RIPK4: variants seen among roughly 807,000 people sequenced by gnomAD.
RIPK4 encodes the protein receptor-interacting serine/threonine-protein kinase 4.
A neutral mutation model predicts 42.9 loss-of-function variants in RIPK4; 17 were observed. The observed-to-expected ratio is 0.40, with a 90% confidence interval of 0.27 to 0.59. The LOEUF (loss-of-function observed/expected upper bound fraction) is 0.59. RIPK4 is among the 20% of genes least tolerant of loss of function. RIPK4 has a pLI of 0.47. For missense variants in RIPK4, 897 were observed against 1,104.4 expected (o/e 0.81, Z 2.66); for synonymous variants, 498 against 499.1 (o/e 1.00, Z 0.03).
intron 5 of RIPK4, chr21:41,746,294 G>C: frequency 1.7e-6 from 1 of 591,706 alleles, no homozygotes; most frequent in Non-Finnish European, 3.0e-6. Context: ...CCACCGGCCA[G>C]GTAAGTCCCC....
chr21:41,751,108 G>A lies in RIPK4; in HGVS notation c.612C>T (p.His204=), dbSNP rs554758035. 2.5e-6 allele frequency: 4 copies of A among 1,614,072 alleles called. No individual in the cohort carries two copies. Among genetic ancestry groups the A allele is most frequent in the South Asian group, 1.1e-5 (1 of 91,086 alleles). ...REKSRLFDTK[H]DVYSFAIVIW... ...GGCATGTCACACACCTGTATACATCGTGCTTGGTGTCGAAGAGCCGGCTCT... is the reference window on the plus strand; with the variant it reads ...GGCATGTCACACACCTGTATACATCATGCTTGGTGTCGAAGAGCCGGCTCT... The change falls in exon 3 of 8, where the codon CAC becomes CAT. Residue 204 remains histidine (H), a synonymous_variant. Coordinates refer to ENST00000332512, the MANE Select transcript of RIPK4 (RefSeq NM_020639.3). The surrounding 1 kb of genome is among the most constrained non-coding windows in gnomAD (Gnocchi z 4.5).
intron 7 of RIPK4, among the ~76,000 whole-genome samples, chr21:41,743,343 A>G (rs933303212): frequency 3.3e-5 from 5 of 152,238 alleles, no homozygotes; most frequent in African/African-American, 1.2e-4. Context: ...ACATAAAAAG[A>G]TGAGATTAGC....
chr21:41,755,787 G>A lies in RIPK4; in HGVS notation c.474+738C>T, dbSNP rs1302384879. On this transcript the variant is annotated intron_variant, in intron 2 of 7. Coordinates refer to ENST00000332512, the MANE Select transcript of RIPK4 (RefSeq NM_020639.3). The surrounding 1 kb of genome is among the most constrained non-coding windows in gnomAD (Gnocchi z 4.2). ...CCAGGTGTAACCACCACATGTCAAC[G>A]ACAGTACAACCCTAGCCACGAAGGC... Among the ~76,000 whole-genome samples, 2 of 152,194 alleles carry A rather than the reference G, an allele frequency of 1.3e-5. No homozygotes were observed. The highest frequency in any genetic ancestry group is 2.4e-5 in the African/African-American group (1 of 41,442).
In RIPK4 at chr21:41,742,973, T is replaced by C. The variant is rs2061159246; in HGVS notation, c.1195+909A>G. Among the ~76,000 whole-genome samples the C allele has an allele frequency of 6.6e-6, 1 of 152,222 alleles. No individual in the cohort carries two copies. The highest frequency in any genetic ancestry group is 1.5e-5 in the Non-Finnish European group (1 of 68,042). ...CCAGGTCTTCCCCACTGTGTCTATG[T>C]AGCATTGCCTTAAAACAAGACAGCC... On this transcript the variant is annotated intron_variant, in intron 7 of 7. Coordinates refer to ENST00000332512, the MANE Select transcript of RIPK4 (RefSeq NM_020639.3). The surrounding 1 kb of genome is among the most constrained non-coding windows in gnomAD (Gnocchi z 5.1).
chr21:41,761,376 A>G (rs930846156), intron 1 of RIPK4, among the ~76,000 whole-genome samples: 1 of 152,208 alleles, frequency 6.6e-6, no homozygotes, highest in Non-Finnish European at 1.5e-5. Context: ...GGACTGGGAC[A>G]TGGTACCAGC....
chr21:41,759,227 T>C (rs2061213741), intron 1 of RIPK4, among the ~76,000 whole-genome samples: 1 of 152,042 alleles, frequency 6.6e-6, no homozygotes. Context: ...GCCTCCAGGG[T>C]AGCTGGGATT....
At chr21:41,765,096 G>A (rs542739277) in intron 1 of RIPK4, among the ~76,000 whole-genome samples, 2 of 152,344 alleles carry the variant, frequency 1.3e-5, no homozygotes, top group South Asian at 4.1e-4. Flanking sequence ...AATAACAGAA[G>A]ATCCTAAGGA....
intron 5 of RIPK4, 104 bp from the exon 6 acceptor site, chr21:41,745,966 G>T: frequency 1.0e-6 from 1 of 980,112 alleles, no homozygotes; most frequent in Non-Finnish European, 1.7e-6. Flanking sequence ...TTTCTCACAC[G>T]CCTCGGCCCA....
At chr21:41,761,540 A>T (rs2061220360) in intron 1 of RIPK4, among the ~76,000 whole-genome samples, 1 of 152,122 alleles carries the variant, frequency 6.6e-6, no homozygotes, top group African/African-American at 2.4e-5. Context: ...GTCCTTCCGT[A>T]GGACTCAGAC....
At chr21:41,744,961 C>T (rs2061166203) in intron 6 of RIPK4, among the ~76,000 whole-genome samples, 3 of 152,218 alleles carry the variant, frequency 2.0e-5, no homozygotes, top group Admixed American at 6.5e-5. Flanking sequence ...CTTAGGCACA[C>T]CTGTTTGCCC....
rs1176362828 is a variant in RIPK4, at chr21:41,742,422, G to A, written c.1196-425C>T. ...ACGGACGCCCCAGGCCTAGCAGCCTGCAGAGATGGTGACTAGAGCTGGAAG... is the reference window on the plus strand; with the variant it reads ...ACGGACGCCCCAGGCCTAGCAGCCTACAGAGATGGTGACTAGAGCTGGAAG... On this transcript the variant is annotated intron_variant, in intron 7 of 7. Coordinates refer to ENST00000332512, the MANE Select transcript of RIPK4 (RefSeq NM_020639.3). This position sits in a 1 kb window ranked among gnomAD's most constrained non-coding sequence, Gnocchi z 5.1. 6.6e-6 allele frequency among the ~76,000 whole-genome samples: 1 copy of A among 152,234 alleles called. No individual in the cohort carries two copies. Among genetic ancestry groups the A allele is most frequent in the Non-Finnish European group, 1.5e-5 (1 of 68,046 alleles).
At chr21:41,761,949 T>A (rs923445227) in intron 1 of RIPK4, among the ~76,000 whole-genome samples, 1 of 152,190 alleles carries the variant, frequency 6.6e-6, no homozygotes, top group Non-Finnish European at 1.5e-5. Flanking sequence ...TTACTCTCCC[T>A]GCCCCGGGCT....
chr21:41,740,278 T>C lies in RIPK4; in HGVS notation c.*560A>G, dbSNP rs3746890. ...TTTCAAAGCCAACCCCACTACTTAG[T>C]CATCATTTAGAGACTAGACTATCCA... On this transcript the variant is annotated 3_prime_UTR_variant, in exon 8 of 8. Coordinates refer to ENST00000332512, the MANE Select transcript of RIPK4 (RefSeq NM_020639.3). 0.42 allele frequency: 63,413 copies of C among 152,348 alleles called. 13,721 individuals are homozygous for C. The highest frequency in any genetic ancestry group is 0.61 in the East Asian group (3,160 of 5,182). 9.4% of individuals were successfully genotyped at this position (152,348 alleles called of 1,614,324 possible).
At chr21:41,766,773 G>C (rs888044376) in intron 1 of RIPK4, 87 bp downstream of exon 1, 9 of 1,384,120 alleles carry the variant, frequency 6.5e-6, no homozygotes, top group South Asian at 1.3e-5. Flanking sequence ...GTTCGGGAGA[G>C]AGAGGCAGGA....
At chr21:41,748,591 G>A (rs1416877098) in intron 4 of RIPK4, among the ~76,000 whole-genome samples, 1 of 152,214 alleles carries the variant, frequency 6.6e-6, no homozygotes, top group African/African-American at 2.4e-5. Flanking sequence ...CAAGCACGCG[G>A]GTACATGTAA....
At chr21:41,749,019 A>T in intron 4 of RIPK4, 135 bp downstream of exon 4, 1 of 885,844 alleles carries the variant, frequency 1.1e-6, no homozygotes, top group Non-Finnish European at 1.8e-6. Context: ...CCTGCATGCA[A>T]ATTACACCAC....
intron 1 of RIPK4, among the ~76,000 whole-genome samples, chr21:41,758,011 A>C (rs1601683122): frequency 1.9e-5 from 2 of 108,036 alleles, no homozygotes; most frequent in East Asian, 2.3e-4. Flanking sequence ...AAAAAAAAAA[A>C]AAAAAAAAAA....
intron 1 of RIPK4, among the ~76,000 whole-genome samples, chr21:41,758,021 A>AAT (rs1195745927): frequency 0.013 from 677 of 51,140 alleles, 8 homozygotes; most frequent in Non-Finnish European, 0.017. Context: ...AAAAAAAAAA[A>AAT]ATATATATAT....
chr21:41,762,441 G>A (rs757283166), intron 1 of RIPK4, among the ~76,000 whole-genome samples: 5 of 152,158 alleles, frequency 3.3e-5, no homozygotes, highest in Non-Finnish European at 7.3e-5. Context: ...ACACGACCCC[G>A]CCTTCCAGCC....
Sources: gnomAD v4.1 joint callset for allele counts (sites outside exome capture counted in the v4.1 genomes callset) on GRCh38, gnomAD v4.1.1 for gene constraint, Gnocchi (gnomAD v3.1) non-coding constraint, MANE v1.5 for transcripts, NCBI Gene and HGNC (gene_info 2026-07-23, HGNC 2026-07-21) for gene names.